The following REPS1 variants were observed in gnomAD, a reference collection of about 807,000 sequenced individuals.
The protein encoded by REPS1 is ralBP1-associated Eps domain-containing protein 1.
Under a neutral mutation model 100.9 loss-of-function variants are expected in REPS1, and 39 were observed. The ratio of observed to expected loss-of-function variants is 0.39; its 90% CI spans 0.30 to 0.50. The LOEUF (loss-of-function observed/expected upper bound fraction) is 0.50. REPS1 is among the 20% of genes least tolerant of loss of function. The probability of loss-of-function intolerance (pLI) is 0.86; values close to 1 mark genes in which losing one functional copy is unlikely to be tolerated. For missense variants in REPS1, 821 were observed against 968.5 expected (o/e 0.85, Z 2.02); for synonymous variants, 324 against 340.3 (o/e 0.95, Z 0.53).
chr6:138,907,856 A>G (rs1779762656), intron 18 of REPS1, among the ~76,000 whole-genome samples: 1 of 152,174 alleles, frequency 6.6e-6, no homozygotes, highest in African/African-American at 2.4e-5. Context: ...AAAAGAGTCT[A>G]AAGTAGGTAC....
At chr6:138,915,614 G>A (rs560679936) in intron 14 of REPS1, among the ~76,000 whole-genome samples, 6 of 151,810 alleles carry the variant, frequency 4.0e-5, no homozygotes, top group East Asian at 1.9e-4. Context: ...CACTACATCC[G>A]GCTAATTTTT....
intron 12 of REPS1, 134 bp downstream of exon 12, chr6:138,920,081 A>C: frequency 1.9e-6 from 1 of 517,518 alleles, no homozygotes; most frequent in Non-Finnish European, 3.5e-6. Context: ...CTGATAGGGC[A>C]AAGTGTTCGA....
At chr6:138,950,282 C>T (rs1413448924) in intron 1 of REPS1, among the ~76,000 whole-genome samples, 1 of 151,924 alleles carries the variant, frequency 6.6e-6, no homozygotes, top group East Asian at 1.9e-4. Flanking sequence ...AAGACCAGCC[C>T]TGGCAACATG....
chr6:138,920,760 T>C (rs1780702809), intron 11 of REPS1, among the ~76,000 whole-genome samples: 3 of 152,240 alleles, frequency 2.0e-5, no homozygotes, highest in Admixed American at 2.0e-4. Context: ...GTTAAAGTTT[T>C]AACATATTTT....
intron 8 of REPS1, among the ~76,000 whole-genome samples, chr6:138,933,906 T>C (rs545885299): frequency 1.3e-5 from 2 of 152,224 alleles, no homozygotes; most frequent in African/African-American, 4.8e-5. Context: ...GATTTAAAAG[T>C]TTGTTCCACA....
Position 138,943,975 on chromosome 6 carries a change from G to A in REPS1, c.794C>T (p.Ala265Val). The change falls in exon 6 of 20, where the codon GCC (alanine) becomes GTC (valine). Residue 265 changes from alanine (A) to valine (V), a missense_variant. Around this residue, in one of 3 missense-constraint regions of REPS1, gnomAD observed 757 missense variants for 866.4 expected, o/e 0.87. Transcript: ENST00000450536. ...ACTGGATTGCCTACGAATTTCAATG[G>A]CAGTTGTAGCTGATGCTACAGTTCG... ...TVRTVASATT[A>V]IEIRRQSSSY... 2 of 1,613,844 alleles carry A rather than the reference G, an allele frequency of 1.2e-6. No individual in the cohort carries two copies. Among genetic ancestry groups the A allele is most frequent in the Non-Finnish European group, 1.7e-6 (2 of 1,179,860 alleles).
chr6:138,979,814 T>C (rs1181901140), intron 1 of REPS1, among the ~76,000 whole-genome samples: 1 of 152,202 alleles, frequency 6.6e-6, no homozygotes, highest in Non-Finnish European at 1.5e-5. Flanking sequence ...TTCTAGTCAA[T>C]CTTTCTCTCT....
intron 1 of REPS1, among the ~76,000 whole-genome samples, chr6:138,969,108 T>C (rs908855582): frequency 2.6e-5 from 4 of 152,110 alleles, no homozygotes; most frequent in East Asian, 1.9e-4. Flanking sequence ...AGTAGCATTA[T>C]AGAAACATCT....
chr6:138,919,585 A>C (rs1780620017), intron 12 of REPS1, among the ~76,000 whole-genome samples: 1 of 152,204 alleles, frequency 6.6e-6, no homozygotes. Context: ...TTCTAGTAAA[A>C]GCAGGTCCTG....
rs1782243877 is a variant in REPS1 at position 138,941,474 on chromosome 6, A to G, written c.996T>C (p.Phe332=). The G allele has an allele frequency of 3.1e-6, 5 of 1,613,792 alleles. No individual in the cohort carries two copies. Among genetic ancestry groups the G allele is most frequent in the Non-Finnish European group, 4.2e-6 (5 of 1,179,766 alleles). Residue 332 remains phenylalanine, a synonymous_variant, in exon 8 of 20, where the codon TTT becomes TTC. Coordinates refer to ENST00000450536, the MANE Select transcript of REPS1 (RefSeq NM_001286611.2). ...ELSHIWELSD[F]DKDGALTLDE... The stretch of plus-strand genomic sequence containing the variant: ...CCAGTGTCAATGCACCATCTTTATC[A>G]AAGTCTGAGAGTTCCCTAGAAGATA...
intron 1 of REPS1, among the ~76,000 whole-genome samples, chr6:138,966,013 T>C (rs1412900966): frequency 6.6e-6 from 1 of 152,214 alleles, no homozygotes; most frequent in Non-Finnish European, 1.5e-5. Flanking sequence ...CAGAGATTTC[T>C]ATCCTATTTT....
At chr6:138,911,122 T>G (rs1239569390) in intron 17 of REPS1, 154 bp downstream of exon 17, 2 of 576,774 alleles carry the variant, frequency 3.5e-6, no homozygotes, top group Non-Finnish European at 6.1e-6. Context: ...TCATCTCCAT[T>G]AAATAGGCAG....
intron 1 of REPS1, among the ~76,000 whole-genome samples, chr6:138,949,727 TAA>T (rs56804604): frequency 0.24 from 35,692 of 149,066 alleles, 5,057 homozygotes; most frequent in African/African-American, 0.41. Context: ...CTCCATCTCA[TAA>T]AAAAAAAAAA....
At chr6:138,958,264 C>T (rs909617622) in intron 1 of REPS1, among the ~76,000 whole-genome samples, 9 of 152,098 alleles carry the variant, frequency 5.9e-5, no homozygotes, top group African/African-American at 2.2e-4. Flanking sequence ...TTGCAGGAAA[C>T]AACACTAAGC....
chr6:138,962,722 A>G (rs960711941), intron 1 of REPS1, among the ~76,000 whole-genome samples: 2 of 152,096 alleles, frequency 1.3e-5, no homozygotes, highest in Non-Finnish European at 2.9e-5. Flanking sequence ...ATGCTTTCAG[A>G]GGCCTTCCTT....
intron 1 of REPS1, among the ~76,000 whole-genome samples, chr6:138,980,417 G>C (rs1582867854): frequency 6.6e-6 from 1 of 152,008 alleles, no homozygotes; most frequent in South Asian, 2.1e-4. Context: ...GAGTACAAGG[G>C]CCTGCCTTAT....
intron 19 of REPS1, 37 bp from the exon 20 acceptor site, chr6:138,905,169 T>A: frequency 3.0e-6 from 4 of 1,331,038 alleles, no homozygotes; most frequent in Non-Finnish European, 4.3e-6. Flanking sequence ...TGTTTCAAAG[T>A]ATATAAAAAT....
chr6:138,925,412 G>T (rs953589019), intron 10 of REPS1, among the ~76,000 whole-genome samples: 1 of 152,036 alleles, frequency 6.6e-6, no homozygotes, highest in Admixed American at 6.6e-5. Flanking sequence ...CCCATTAACT[G>T]CTAATGGTAT....
chr6:138,950,858 C>G (rs948298601), intron 1 of REPS1, among the ~76,000 whole-genome samples: 1 of 152,144 alleles, frequency 6.6e-6, no homozygotes, highest in African/African-American at 2.4e-5. Context: ...TATCATTAAG[C>G]ATGATACTGG....
Sources: gnomAD v4.1 joint callset for allele counts (sites outside exome capture counted in the v4.1 genomes callset) on GRCh38, gnomAD v4.1.1 for gene constraint, gnomAD v4.1.1 regional missense constraint, MANE v1.5 for transcripts, NCBI Gene and HGNC (gene_info 2026-07-23, HGNC 2026-07-21) for gene names.